Variants in ATG10 observed in about 807,000 individuals in gnomAD.
The protein encoded by ATG10 is autophagy related 10.
Under a neutral mutation model 32.1 loss-of-function variants are expected in ATG10, and 30 were observed. The observed-to-expected ratio is 0.94, with a 90% CI of 0.70 to 1.27. The LOEUF is 1.27. Ranked by LOEUF, ATG10 falls within the 50% of genes most tolerant of loss-of-function variation. The probability of loss-of-function intolerance (pLI) is 0.00; values close to 1 mark genes in which losing one functional copy is unlikely to be tolerated. For missense variants in ATG10, 233 were observed against 262.3 expected (o/e 0.89, Z 0.77); for synonymous variants, 87 against 91.5 (o/e 0.95, Z 0.28).
intron 2 of ATG10, among the ~76,000 whole-genome samples, chr5:82,013,784 T>C (rs1173134837): frequency 6.6e-6 from 1 of 152,234 alleles, no homozygotes; most frequent in South Asian, 2.1e-4. Flanking sequence ...CATATGTTTG[T>C]TGGCCATTTG....
chr5:82,049,458 A>C (rs1423598307), intron 2 of ATG10, among the ~76,000 whole-genome samples: 1 of 151,828 alleles, frequency 6.6e-6, no homozygotes, highest in Non-Finnish European at 1.5e-5. Flanking sequence ...CTAGATGACG[A>C]GTTAGTGGGT....
intron 4 of ATG10, among the ~76,000 whole-genome samples, chr5:82,170,940 A>G (rs544027182): frequency 1.3e-5 from 2 of 151,368 alleles, no homozygotes; most frequent in African/African-American, 2.4e-5. Context: ...TGTCTCAGGG[A>G]AAAAAAAAAG....
rs530729274 is a variant in ATG10, at chr5:82,066,378, C to T, written c.216+7776C>T. Among the ~76,000 whole-genome samples the T allele has an allele frequency of 5.3e-5, 8 of 152,224 alleles. No homozygotes were observed. The East Asian group carries it at 1.2e-3, about 22-fold the overall frequency. On this transcript the variant is annotated intron_variant, in intron 3 of 7. Transcript: ENST00000282185. Reference sequence around the variant, plus strand: ...AGAGGTATCAGAGGTGGGTACCAAGCATATTTTATTTATCCATTTACTATC... The same window carrying T: ...AGAGGTATCAGAGGTGGGTACCAAGTATATTTTATTTATCCATTTACTATC...
chr5:82,202,621 T>A (rs1174293266), intron 5 of ATG10, among the ~76,000 whole-genome samples: 1 of 152,226 alleles, frequency 6.6e-6, no homozygotes, highest in Non-Finnish European at 1.5e-5. Flanking sequence ...TCTCAGAGGC[T>A]CCTTTTCCTG....
chr5:82,131,921 G>C (rs947622414), intron 3 of ATG10, among the ~76,000 whole-genome samples: 17 of 152,052 alleles, frequency 1.1e-4, no homozygotes, highest in Admixed American at 1.3e-4. Context: ...AGAAGGCAAA[G>C]AGGGAACAGG....
Position 82,068,866 on chromosome 5 carries a change from G to T in ATG10, c.216+10264G>T, listed in dbSNP as rs529352374. Among the ~76,000 whole-genome samples, 3 of 150,054 alleles carry T rather than the reference G, an allele frequency of 2.0e-5. No homozygotes were observed. In the South Asian group the frequency reaches 6.2e-4, roughly 31 times the overall value. On this transcript the variant is annotated intron_variant, in intron 3 of 7. Transcript: ENST00000282185. Reference sequence around the variant, plus strand: ...AGGAAGATATGTTGACTTTATAATCGAATCTAAAATAAATGAAAGTGAAAC... The same window carrying T: ...AGGAAGATATGTTGACTTTATAATCTAATCTAAAATAAATGAAAGTGAAAC...
intron 5 of ATG10, among the ~76,000 whole-genome samples, chr5:82,213,649 CT>C (rs1245524436): frequency 1.3e-5 from 2 of 152,308 alleles, no homozygotes; most frequent in East Asian, 1.9e-4. Context: ...AACATCCAGC[CT>C]TGTGTGGCCA....
intron 2 of ATG10, among the ~76,000 whole-genome samples, chr5:82,044,119 T>G (rs1408561434): frequency 3.3e-5 from 5 of 152,082 alleles, no homozygotes; most frequent in Non-Finnish European, 7.4e-5. Flanking sequence ...GACTCACAGT[T>G]TGCAGGCTTA....
At chr5:82,071,758 C>G (rs536650801) in intron 3 of ATG10, among the ~76,000 whole-genome samples, 1 of 152,006 alleles carries the variant, frequency 6.6e-6, no homozygotes, top group Non-Finnish European at 1.5e-5. Context: ...AAATAGTCAG[C>G]GTTTTTAGCA....
intron 5 of ATG10, among the ~76,000 whole-genome samples, chr5:82,203,145 T>C (rs888959881): frequency 6.6e-6 from 1 of 152,090 alleles, no homozygotes; most frequent in East Asian, 1.9e-4. Flanking sequence ...GGAGAATTGC[T>C]TGAACCTGGG....
chr5:82,150,427 T>G (rs1331698311), intron 3 of ATG10, among the ~76,000 whole-genome samples: 1 of 152,218 alleles, frequency 6.6e-6, no homozygotes, highest in Non-Finnish European at 1.5e-5. Context: ...CCATTATAAG[T>G]AACCAGGAAA....
intron 2 of ATG10, among the ~76,000 whole-genome samples, chr5:81,994,935 T>G (rs369853363): frequency 1.3e-5 from 2 of 152,140 alleles, no homozygotes; most frequent in African/African-American, 4.8e-5. Context: ...AAGACTGACA[T>G]TGCATAAATG....
chr5:82,019,742 G>A (rs768388231), intron 2 of ATG10, among the ~76,000 whole-genome samples: 1 of 152,196 alleles, frequency 6.6e-6, no homozygotes, highest in Non-Finnish European at 1.5e-5. Flanking sequence ...TCATTGCTTA[G>A]TTGGGTGTTT....
At chr5:82,080,712 A>G (rs1279275190) in intron 3 of ATG10, among the ~76,000 whole-genome samples, 1 of 152,056 alleles carries the variant, frequency 6.6e-6, no homozygotes, top group South Asian at 2.1e-4. Flanking sequence ...ATTCTGTTCC[A>G]TTGGTCTATA....
At chr5:82,138,880 TC>T in intron 3 of ATG10, among the ~76,000 whole-genome samples, 1 of 31,332 alleles carries the variant, frequency 3.2e-5, no homozygotes, top group Non-Finnish European at 5.7e-5. Context: ...CCCCTCCCCC[TC>T]TCCCTCTCCC....
chr5:82,071,059 C>G (rs1199678488), intron 3 of ATG10, among the ~76,000 whole-genome samples: 1 of 152,074 alleles, frequency 6.6e-6, no homozygotes, highest in Non-Finnish European at 1.5e-5. Flanking sequence ...TCCCCCCTTT[C>G]TAATAGGTCA....
intron 3 of ATG10, among the ~76,000 whole-genome samples, chr5:82,109,887 T>C (rs1156393123): frequency 2.0e-5 from 3 of 151,832 alleles, no homozygotes; most frequent in Non-Finnish European, 2.9e-5. Context: ...ATGTGCCATG[T>C]TGGTGTGCTG....
intron 3 of ATG10, among the ~76,000 whole-genome samples, chr5:82,138,940 T>C (rs1464223045): frequency 1.4e-5 from 2 of 140,386 alleles, no homozygotes; most frequent in African/African-American, 5.3e-5. Flanking sequence ...CTCGGCTCAC[T>C]GCAACCTCCC....
At chr5:82,004,508 C>T (rs1445878788) in intron 2 of ATG10, among the ~76,000 whole-genome samples, 1 of 152,094 alleles carries the variant, frequency 6.6e-6, no homozygotes, top group Non-Finnish European at 1.5e-5. Context: ...GACACCTGAC[C>T]CTATTTCTTC....
Sources: allele counts gnomAD v4.1 joint callset (sites outside exome capture counted in the v4.1 genomes callset), GRCh38; gene constraint gnomAD v4.1.1; transcripts MANE v1.5; gene names NCBI Gene and HGNC (gene_info 2026-07-23, HGNC 2026-07-21).